Variants in NFIB observed in about 807,000 individuals in gnomAD.
NFIB encodes nuclear factor 1 B-type.
Under a neutral mutation model 61.5 loss-of-function variants are expected in NFIB, and 11 were observed. That is an observed-to-expected ratio of 0.18 (90% CI 0.11 to 0.30). The LOEUF (loss-of-function observed/expected upper bound fraction) is 0.30, where lower values mean the gene tolerates loss of function less well. Ranked by LOEUF, NFIB falls within the 10% of genes least tolerant of loss-of-function variation. The probability of loss-of-function intolerance (pLI) is 1.00; values close to 1 mark genes in which losing one functional copy is unlikely to be tolerated. For missense variants in NFIB, 471 were observed against 608.9 expected (o/e 0.77, Z 2.38); for synonymous variants, 260 against 216.5 (o/e 1.20, Z -1.76).
chr9:14,485,010 A>C, the NFIB span, among the ~76,000 whole-genome samples: 2 of 151,804 alleles, frequency 1.3e-5, no homozygotes, highest in East Asian at 3.9e-4. Context: ...GAGAGAGAGA[A>C]AGAGAGAGAG....
At chr9:14,376,236 C>T (rs556342920) in intron 1 of NFIB, among the ~76,000 whole-genome samples, 4 of 152,116 alleles carry the variant, frequency 2.6e-5, no homozygotes, top group Non-Finnish European at 5.9e-5. Flanking sequence ...AGCTATGGAA[C>T]TTTTTGTGTG....
At chr9:14,140,222 A>G (rs1044555470) in intron 6 of NFIB, among the ~76,000 whole-genome samples, 3 of 152,200 alleles carry the variant, frequency 2.0e-5, no homozygotes, top group Admixed American at 6.5e-5. Context: ...AGCTGTCTGC[A>G]CTGCCATTTT....
At chr9:14,514,300 A>ACG in the NFIB span, among the ~76,000 whole-genome samples, 888 of 132,452 alleles carry the variant, frequency 6.7e-3, 7 homozygotes, top group African/African-American at 0.023. Context: ...TATCTTTGGA[A>ACG]CACACACATA....
intron 2 of NFIB, among the ~76,000 whole-genome samples, chr9:14,234,621 C>G (rs1458557993): frequency 6.6e-6 from 1 of 151,968 alleles, no homozygotes; most frequent in Non-Finnish European, 1.5e-5. Flanking sequence ...CTCGGCCTCC[C>G]AAAGTGCTGT....
At chr9:14,382,111 G>A (rs2061494910) in intron 1 of NFIB, among the ~76,000 whole-genome samples, 1 of 152,190 alleles carries the variant, frequency 6.6e-6, no homozygotes, top group Non-Finnish European at 1.5e-5. Flanking sequence ...CCTGAGGGCA[G>A]ACAAAAAGGC....
intron 3 of NFIB, among the ~76,000 whole-genome samples, chr9:14,174,662 G>A (rs1436413007): frequency 6.6e-6 from 1 of 151,486 alleles, no homozygotes; most frequent in African/African-American, 2.4e-5. Flanking sequence ...AGCTACTCAG[G>A]AGGCTGAGGC....
At chr9:14,384,240 C>T (rs1268610240) in intron 1 of NFIB, among the ~76,000 whole-genome samples, 1 of 152,160 alleles carries the variant, frequency 6.6e-6, no homozygotes, top group Non-Finnish European at 1.5e-5. Flanking sequence ...ACAAGAGAGC[C>T]TTCCCCACCC....
intron 10 of NFIB, among the ~76,000 whole-genome samples, chr9:14,093,893 G>T (rs147813719): frequency 1.3e-5 from 2 of 152,172 alleles, no homozygotes; most frequent in African/African-American, 4.8e-5. Flanking sequence ...TTATGTATTA[G>T]AACAAAGAAA....
At chr9:14,126,709 A>G (rs1383371679) in intron 6 of NFIB, among the ~76,000 whole-genome samples, 2 of 152,260 alleles carry the variant, frequency 1.3e-5, no homozygotes, top group African/African-American at 2.4e-5. Flanking sequence ...GCTTACCCTC[A>G]TAGGAGAAAC....
At chr9:14,492,213 A>C in the NFIB span, among the ~76,000 whole-genome samples, 1 of 151,960 alleles carries the variant, frequency 6.6e-6, no homozygotes, top group East Asian at 1.9e-4. Flanking sequence ...AATATGAAAA[A>C]TTAGCTGGGC....
the NFIB span, among the ~76,000 whole-genome samples, chr9:14,458,726 GACAA>G: frequency 2.0e-5 from 3 of 152,156 alleles, no homozygotes; most frequent in Admixed American, 6.5e-5. Flanking sequence ...ACCAATAACA[GACAA>G]ACAGAGAGCC....
At chr9:14,479,331 T>G in the NFIB span, among the ~76,000 whole-genome samples, 3 of 152,208 alleles carry the variant, frequency 2.0e-5, no homozygotes, top group East Asian at 1.9e-4. Flanking sequence ...CTCATGGTAC[T>G]GAAACCCATA....
chr9:14,431,269 C>T, the NFIB span, among the ~76,000 whole-genome samples: 3 of 152,138 alleles, frequency 2.0e-5, no homozygotes, highest in African/African-American at 4.8e-5. Flanking sequence ...GAAGAGTGAA[C>T]CAGGACTGCA....
intron 2 of NFIB, among the ~76,000 whole-genome samples, chr9:14,183,371 C>T (rs938064531): frequency 1.3e-5 from 2 of 152,028 alleles, no homozygotes; most frequent in Non-Finnish European, 2.9e-5. Context: ...TTGTGAGCTG[C>T]CCAGCATACT....
intron 2 of NFIB, among the ~76,000 whole-genome samples, chr9:14,252,351 CACTTT>C (rs1722894151): frequency 6.6e-6 from 1 of 152,160 alleles, no homozygotes; most frequent in African/African-American, 2.4e-5. Context: ...TTTAAAAACT[CACTTT>C]AAAGAGACTA....
At chr9:14,468,981 C>A in the NFIB span, among the ~76,000 whole-genome samples, 2 of 152,204 alleles carry the variant, frequency 1.3e-5, no homozygotes, top group African/African-American at 2.4e-5. Flanking sequence ...GTGCTCCACA[C>A]TGACATATCC....
At chr9:14,368,746 T>C (rs1260470739) in intron 1 of NFIB, among the ~76,000 whole-genome samples, 1 of 152,208 alleles carries the variant, frequency 6.6e-6, no homozygotes, top group East Asian at 1.9e-4. Context: ...CATTCCCTCA[T>C]ATTTTGGTGC....
chr9:14,091,552 T>C (rs2033911151), intron 10 of NFIB, among the ~76,000 whole-genome samples: 1 of 152,070 alleles, frequency 6.6e-6, no homozygotes, highest in African/African-American at 2.4e-5. Context: ...TCCAACTATC[T>C]GCATTCCAAT....
At chr9:14,469,644 G>A in the NFIB span, among the ~76,000 whole-genome samples, 1 of 152,126 alleles carries the variant, frequency 6.6e-6, no homozygotes, top group East Asian at 1.9e-4. Flanking sequence ...TAACTAGCTA[G>A]GTTTCCATTT....
Sources: gnomAD v4.1 joint callset for allele counts (sites outside exome capture counted in the v4.1 genomes callset) on GRCh38, gnomAD v4.1.1 for gene constraint, MANE v1.5 for transcripts, NCBI Gene and HGNC (gene_info 2026-07-23, HGNC 2026-07-21) for gene names.